Variants in SNCAIP observed in about 807,000 individuals in gnomAD.
The protein encoded by SNCAIP is synphilin-1.
In SNCAIP, 43 loss-of-function variants were observed where a neutral mutation model predicts 86.7. That is an observed-to-expected ratio of 0.50 (90% CI 0.39 to 0.64). The LOEUF is 0.64. Ranked by LOEUF, SNCAIP falls within the 30% of genes least tolerant of loss-of-function variation. The pLI, the probability that SNCAIP is intolerant of heterozygous loss-of-function variation, is 0.00. For missense variants in SNCAIP, 981 were observed against 1,103.1 expected, an observed-to-expected ratio of 0.89 and a Z score of 1.57; for synonymous variants, 417 against 427.2, an observed-to-expected ratio of 0.98 and a Z score of 0.29.
chr5:122,319,233 A>G (rs572402190), intron 1 of SNCAIP, among the ~76,000 whole-genome samples: 203 of 152,138 alleles, frequency 1.3e-3, no homozygotes, highest in African/African-American at 4.7e-3. Context: ...AATCCTATAA[A>G]AAAAAAAACT....
At chr5:122,386,251 C>T (rs568856303) in intron 1 of SNCAIP, among the ~76,000 whole-genome samples, 9 of 152,150 alleles carry the variant, frequency 5.9e-5, no homozygotes, top group East Asian at 1.9e-4. Context: ...TATCATAATA[C>T]GGGGGTGGCA....
At chr5:122,429,109 T>C (rs1777905687) in intron 5 of SNCAIP, among the ~76,000 whole-genome samples, 1 of 151,598 alleles carries the variant, frequency 6.6e-6, no homozygotes, top group Non-Finnish European at 1.5e-5. Flanking sequence ...TAGGAAATAT[T>C]TATAGATGAA....
At chr5:122,452,619 TAGA>T (rs1783928385) in intron 10 of SNCAIP, among the ~76,000 whole-genome samples, 1 of 152,218 alleles carries the variant, frequency 6.6e-6, no homozygotes, top group Non-Finnish European at 1.5e-5. Flanking sequence ...GTCCTTGTTA[TAGA>T]AGACTATATC....
chr5:122,463,863 C>T lies in SNCAIP; in HGVS notation c.*367C>T. Reference sequence around the variant, plus strand: ...TACCCACAGGACATTCACCAAGCCACTGATACCATTTTATATTTCATCAAT... The same window carrying T: ...TACCCACAGGACATTCACCAAGCCATTGATACCATTTTATATTTCATCAAT... On this transcript the variant is annotated 3_prime_UTR_variant, in exon 11 of 11. Transcript: ENST00000261368. 4.2e-6 allele frequency: 1 copy of T among 235,690 alleles called. No homozygotes were observed. Among genetic ancestry groups the T allele is most frequent in the Non-Finnish European group, 8.2e-6 (1 of 121,760 alleles). The allele number at this position is 235,690 out of a possible 1,614,324, so 14.6% of individuals were successfully genotyped here. A position where few individuals can be genotyped will look rare whatever the true frequency, so the allele number is the denominator to read the frequency against.
chr5:122,448,997 A>C lies in SNCAIP; in HGVS notation c.1593-848A>C, dbSNP rs996022239. 2.0e-5 allele frequency among the ~76,000 whole-genome samples: 3 copies of C among 151,816 alleles called. No individual in the cohort carries two copies. The South Asian group carries it at 6.3e-4, about 32-fold the overall frequency. ...CACCACTGCAGTCCGGCCTGGGCAA[A>C]AGAGCAAGACTCCGACTCAAAAAAA... is the stretch of plus-strand genomic sequence containing the variant. On this transcript the variant is annotated intron_variant, in intron 8 of 10. Transcript: ENST00000261368.
At chr5:122,405,713 A>G (rs1010126919) in intron 3 of SNCAIP, among the ~76,000 whole-genome samples, 42 of 152,172 alleles carry the variant, frequency 2.8e-4, no homozygotes, top group Admixed American at 6.5e-5. Context: ...ACAAGTCAGC[A>G]TTTTCCCTGA....
At chr5:122,414,378 G>GCC (rs1774838206) in intron 3 of SNCAIP, among the ~76,000 whole-genome samples, 6 of 150,418 alleles carry the variant, frequency 4.0e-5, no homozygotes, top group Non-Finnish European at 7.4e-5. Context: ...TTACAGGCAT[G>GCC]CACCACCATG....
chr5:122,415,459 A>G (rs889856078), intron 3 of SNCAIP, among the ~76,000 whole-genome samples: 1 of 152,228 alleles, frequency 6.6e-6, no homozygotes, highest in African/African-American at 2.4e-5. Context: ...CTTATACCCT[A>G]AAGACATACC....
intron 1 of SNCAIP, among the ~76,000 whole-genome samples, chr5:122,345,203 A>G (rs1449509336): frequency 6.6e-6 from 1 of 152,224 alleles, no homozygotes; most frequent in Middle Eastern, 3.2e-3. Context: ...TATCTTTTAA[A>G]AAATGTTGTA....
chr5:122,358,183 G>A (rs941975337), intron 1 of SNCAIP, among the ~76,000 whole-genome samples: 4 of 80,802 alleles, frequency 5.0e-5, no homozygotes, highest in African/African-American at 1.4e-4. Flanking sequence ...GTGTGTGTGT[G>A]TGTGTGTGTG....
chr5:122,366,208 C>T (rs559662693), intron 1 of SNCAIP, among the ~76,000 whole-genome samples: 1 of 152,292 alleles, frequency 6.6e-6, no homozygotes, highest in African/African-American at 2.4e-5. Flanking sequence ...ACCAGCTCCC[C>T]TAGGGCTTAA....
At chr5:122,404,661 A>C (rs1368939748) in intron 3 of SNCAIP, among the ~76,000 whole-genome samples, 1 of 152,238 alleles carries the variant, frequency 6.6e-6, no homozygotes, top group Non-Finnish European at 1.5e-5. Flanking sequence ...CTACTCTGAT[A>C]GTCACTAGAA....
chr5:122,373,211 C>A (rs1764609484), intron 1 of SNCAIP, among the ~76,000 whole-genome samples: 1 of 152,010 alleles, frequency 6.6e-6, no homozygotes, highest in African/African-American at 2.4e-5. Context: ...AAATACATTT[C>A]TGAGAACTTT....
chr5:122,417,771 G>A (rs966022274), intron 3 of SNCAIP, among the ~76,000 whole-genome samples: 20 of 151,596 alleles, frequency 1.3e-4, no homozygotes, highest in African/African-American at 4.4e-4. Flanking sequence ...TTCATTGAAA[G>A]ATTAAGTCAT....
intron 1 of SNCAIP, among the ~76,000 whole-genome samples, chr5:122,325,408 C>T (rs1753818231): frequency 6.6e-6 from 1 of 152,178 alleles, no homozygotes; most frequent in South Asian, 2.1e-4. Context: ...TTACAGGCAG[C>T]TGTCTCCCTA....
chr5:122,395,632 C>A (rs1390339661), intron 2 of SNCAIP, among the ~76,000 whole-genome samples: 1 of 152,098 alleles, frequency 6.6e-6, no homozygotes, highest in Non-Finnish European at 1.5e-5. Flanking sequence ...CTTTCTATCA[C>A]ACAGACTGTG....
chr5:122,353,499 C>G (rs1467700087), intron 1 of SNCAIP, among the ~76,000 whole-genome samples: 2 of 151,340 alleles, frequency 1.3e-5, no homozygotes, highest in Non-Finnish European at 2.9e-5. Flanking sequence ...TTGGCTGTGC[C>G]CCCACCCAAA....
intron 1 of SNCAIP, chr5:122,371,324 ATT>A (rs1401115889): frequency 4.6e-5 from 7 of 151,702 alleles, no homozygotes; most frequent in African/African-American, 1.5e-4. Context: ...AAAAAAAAAA[ATT>A]ACTTCAGGTG....
chr5:122,345,698 TG>T (rs1758483763), intron 1 of SNCAIP, among the ~76,000 whole-genome samples: 1 of 152,142 alleles, frequency 6.6e-6, no homozygotes, highest in African/African-American at 2.4e-5. Flanking sequence ...GATTTGTTGT[TG>T]TTGTTGTTGT....
Sources: allele counts gnomAD v4.1 joint callset (sites outside exome capture counted in the v4.1 genomes callset), GRCh38; gene constraint gnomAD v4.1.1; transcripts MANE v1.5; gene names NCBI Gene and HGNC (gene_info 2026-07-23, HGNC 2026-07-21).